MYO9A: variants seen among roughly 807,000 people sequenced by gnomAD.
MYO9A encodes unconventional myosin-IXa.
In MYO9A, 103 loss-of-function variants were observed where a neutral mutation model predicts 293.3. The observed-to-expected ratio is 0.35, with a 90% CI of 0.30 to 0.41. The LOEUF (loss-of-function observed/expected upper bound fraction) is 0.41. Ranked by LOEUF, MYO9A falls within the 10% of genes least tolerant of loss-of-function variation. MYO9A has a pLI of 1.00. For synonymous variants in MYO9A, 1,001 were observed against 1,035.7 expected (o/e 0.97, Z 0.64); for missense variants, 2,685 against 3,033.0 (o/e 0.89, Z 2.69).
intron 1 of MYO9A, among the ~76,000 whole-genome samples, chr15:72,097,782 C>G (rs947430731): frequency 1.3e-5 from 2 of 151,956 alleles, no homozygotes. Context: ...TGGTGGCGTG[C>G]GCCTGTAGTC....
intron 39 of MYO9A, among the ~76,000 whole-genome samples, chr15:71,848,311 C>T (rs763892516): frequency 2.6e-5 from 4 of 151,850 alleles, no homozygotes; most frequent in African/African-American, 7.3e-5. Flanking sequence ...AATAAATTAT[C>T]GGTTTTACAA....
At chr15:72,067,726 A>G (rs2079063464) in intron 1 of MYO9A, among the ~76,000 whole-genome samples, 1 of 152,206 alleles carries the variant, frequency 6.6e-6, no homozygotes, top group Non-Finnish European at 1.5e-5. Flanking sequence ...CCTCCACAAG[A>G]CATATTTCTA....
chr15:72,040,692 G>C (rs891306825), intron 2 of MYO9A, among the ~76,000 whole-genome samples: 1 of 151,980 alleles, frequency 6.6e-6, no homozygotes, highest in Non-Finnish European at 1.5e-5. Flanking sequence ...GCCTCCCGAA[G>C]AACCCGGTAT....
intron 18 of MYO9A, among the ~76,000 whole-genome samples, chr15:71,919,309 C>T (rs1164868649): frequency 2.0e-5 from 3 of 151,430 alleles, no homozygotes; most frequent in Non-Finnish European, 4.4e-5. Context: ...GGCGTGGTGG[C>T]GAGTGCCTGC....
chr15:72,040,275 T>C (rs889411112), intron 2 of MYO9A: 1 of 152,266 alleles, frequency 6.6e-6, no homozygotes, highest in African/African-American at 2.4e-5. Context: ...ATCCTTATTC[T>C]AATGGCACTT....
chr15:71,957,821 G>A (rs758371689), intron 14 of MYO9A, among the ~76,000 whole-genome samples: 3 of 152,092 alleles, frequency 2.0e-5, no homozygotes, highest in Admixed American at 6.5e-5. Flanking sequence ...TCTTGTTCAC[G>A]TCTCATCCTG....
chr15:71,855,202 C>T (rs2055816509), intron 34 of MYO9A, among the ~76,000 whole-genome samples: 1 of 152,186 alleles, frequency 6.6e-6, no homozygotes, highest in African/African-American at 2.4e-5. Context: ...GTGATGCGAT[C>T]TCAGCTCACT....
intron 18 of MYO9A, among the ~76,000 whole-genome samples, 166 bp downstream of exon 18, chr15:71,933,504 T>A (rs999276194): frequency 6.6e-6 from 1 of 152,142 alleles, no homozygotes; most frequent in Middle Eastern, 3.2e-3. Flanking sequence ...GGCTCAGCCA[T>A]TTCATAACAG....
chr15:71,963,381 G>C (rs1036213956), intron 13 of MYO9A, among the ~76,000 whole-genome samples: 2 of 150,816 alleles, frequency 1.3e-5, no homozygotes, highest in Non-Finnish European at 3.0e-5. Context: ...CACCACACCT[G>C]GCTGTGCACT....
At chr15:71,936,275 A>G (rs1273076277) in intron 16 of MYO9A, among the ~76,000 whole-genome samples, 1 of 152,168 alleles carries the variant, frequency 6.6e-6, no homozygotes, top group African/African-American at 2.4e-5. Flanking sequence ...CTGCTCTCAC[A>G]GAAGTACTGA....
At position 71,893,014 on chromosome 15, in the gene MYO9A, A is replaced by G. The variant is rs756944394; in HGVS notation, c.5142+665T>C. The G allele has an allele frequency of 7.8e-6, 10 of 1,289,800 alleles. No homozygotes were observed. In the South Asian group the frequency reaches 1.2e-4, roughly 16 times the overall value. 79.9% of individuals were successfully genotyped at this position (1,289,800 alleles called of 1,614,324 possible). A position where few individuals can be genotyped will look rare whatever the true frequency, so the allele number is the denominator to read the frequency against. ...CTGACCCAGGCTGGGTGCAGGCCCT[A>G]GCTCACAGTGAGAAGCTTGGTCAAG... On this transcript the variant is annotated intron_variant, in intron 26 of 41. Coordinates refer to ENST00000356056, the MANE Select transcript of MYO9A (RefSeq NM_006901.4).
intron 14 of MYO9A, chr15:71,959,689 T>C (rs946943722): frequency 2.0e-5 from 11 of 543,990 alleles, no homozygotes; most frequent in Non-Finnish European, 2.9e-5. Flanking sequence ...TTTATCCTCA[T>C]TATTTTAAAG....
chr15:71,856,574 G>A (rs1596039477), intron 34 of MYO9A, among the ~76,000 whole-genome samples: 1 of 152,094 alleles, frequency 6.6e-6, no homozygotes, highest in African/African-American at 2.4e-5. Context: ...AAGTGGCTAC[G>A]GAAATGAAGC....
At chr15:71,867,814 A>T (rs923322560) in intron 32 of MYO9A, among the ~76,000 whole-genome samples, 72 of 144,006 alleles carry the variant, frequency 5.0e-4, no homozygotes, top group African/African-American at 1.8e-3. Flanking sequence ...ACACACACAC[A>T]CACACACACA....
chr15:72,044,698 A>C (rs564335341), intron 2 of MYO9A, among the ~76,000 whole-genome samples: 45 of 152,318 alleles, frequency 3.0e-4, no homozygotes, highest in South Asian at 1.2e-3. Context: ...CCACAACTAA[A>C]CATTTTTCCC....
At chr15:72,048,300 G>C (rs1330184108) in intron 1 of MYO9A, among the ~76,000 whole-genome samples, 1 of 151,792 alleles carries the variant, frequency 6.6e-6, no homozygotes, top group Non-Finnish European at 1.5e-5. Context: ...TCAGGGGCCT[G>C]AGGCAGGAGA....
intron 28 of MYO9A, 34 bp downstream of exon 28, chr15:71,883,560 A>G: frequency 3.1e-6 from 5 of 1,589,220 alleles, no homozygotes; most frequent in Non-Finnish European, 3.4e-6. Context: ...AACAGAAATT[A>G]TGAACACAAG....
intron 6 of MYO9A, 46 bp from the exon 7 acceptor site, chr15:72,010,493 A>T (rs1375551343): frequency 1.7e-5 from 26 of 1,505,620 alleles, no homozygotes; most frequent in Non-Finnish European, 2.4e-5. Flanking sequence ...TATATATTTT[A>T]AAATAATGTG....
At chr15:71,855,132 G>GCATT (rs1210316153) in intron 34 of MYO9A, among the ~76,000 whole-genome samples, 6 of 151,950 alleles carry the variant, frequency 3.9e-5, no homozygotes, top group African/African-American at 7.2e-5. Flanking sequence ...ATTTATTCAT[G>GCATT]CATTCATTCA....
Sources: gnomAD v4.1 joint callset for allele counts (sites outside exome capture counted in the v4.1 genomes callset) on GRCh38, gnomAD v4.1.1 for gene constraint, MANE v1.5 for transcripts, NCBI Gene and HGNC (gene_info 2026-07-23, HGNC 2026-07-21) for gene names.